The following TMEM254 variants were observed in gnomAD, a reference collection of about 807,000 sequenced individuals.
TMEM254 encodes the protein transmembrane protein C10orf57.
A neutral mutation model predicts 13.9 loss-of-function variants in TMEM254; 16 were observed. The ratio of observed to expected loss-of-function variants is 1.15; its 90% CI spans 0.78 to 1.75. TMEM254 has a LOEUF of 1.75. Ranked by LOEUF, TMEM254 falls within the 40% of genes most tolerant of loss-of-function variation. The pLI is 0.00. For missense variants in TMEM254, 155 were observed against 149.0 expected (o/e 1.04, Z -0.21); for synonymous variants, 61 against 56.4 (o/e 1.08, Z -0.36).
Position 80,091,157 on chromosome 10 carries a change from G to T in TMEM254, c.*240G>T, listed in dbSNP as rs1844562095. On this transcript the variant is annotated 3_prime_UTR_variant, in exon 4 of 4. Transcript: ENST00000372281. ...GATTTTAGCTTTTCAATCCTATTTG[G>T]CAGAGGACTTCAGCTACCTTCTTAC... 5.1e-6 allele frequency: 2 copies of T among 394,732 alleles called. No individual in the cohort carries two copies. Among genetic ancestry groups the T allele is most frequent in the South Asian group, 4.0e-5 (1 of 24,978 alleles). 24.5% of individuals were successfully genotyped at this position (394,732 alleles called of 1,614,324 possible).
chr10:80,081,794 G>A (rs757542955), intron 1 of TMEM254, 47 bp from the exon 2 acceptor site: 5 of 1,611,746 alleles, frequency 3.1e-6, no homozygotes, highest in Non-Finnish European at 4.2e-6. Flanking sequence ...CAAAAAACAG[G>A]TTTTAAGTGA....
At position 80,090,895 on chromosome 10, in the gene TMEM254, G is replaced by T. The variant is rs150892131; in HGVS notation, c.350G>T (p.Arg117Leu). Reference sequence around the variant, plus strand: ...CTCACCATCTTGATTGCTTACAAACGGAAGCGCCAAAAACAAACTTGAAGT... The same window carrying T: ...CTCACCATCTTGATTGCTTACAAACTGAAGCGCCAAAAACAAACTTGAAGT... ...ASLTILIAYK[R>L]KRQKQT Residue 117 changes from arginine to leucine, a missense_variant, in exon 4 of 4, where the codon CGG (arginine) becomes CTG (leucine). By Grantham distance (102) the Arg-to-Leu change is moderately radical (BLOSUM62 -2). Coordinates refer to ENST00000372281, the MANE Select transcript of TMEM254 (RefSeq NM_025125.4). The T allele has an allele frequency of 5.6e-4, 905 of 1,613,734 alleles. 1 individual carries two copies. Among genetic ancestry groups the T allele is most frequent in the Middle Eastern group, 1.5e-3 (9 of 6,058 alleles).
chr10:80,079,112 G>A (rs1843809695), intron 1 of TMEM254: 7 of 1,367,620 alleles, frequency 5.1e-6, no homozygotes, highest in Admixed American at 2.2e-5. Context: ...CCAGCAATGC[G>A]GCTACCGCCT....
In TMEM254 at chr10:80,085,511, G is replaced by A. The variant is rs527663097; in HGVS notation, c.251+3307G>A. ...GGACCTGGGAGGCGGAGGTTGCGGT[G>A]AGCTGAGATCGTACCACTACACTTT... On this transcript the variant is annotated intron_variant, in intron 3 of 3. Transcript: ENST00000372281. Among the ~76,000 whole-genome samples, 167 of 151,834 alleles carry A rather than the reference G, an allele frequency of 1.1e-3. 1 individual carries two copies. The highest frequency in any genetic ancestry group is 3.9e-3 in the African/African-American group (161 of 41,418).
intron 3 of TMEM254, among the ~76,000 whole-genome samples, chr10:80,089,098 A>G (rs1844454592): frequency 6.6e-6 from 1 of 152,112 alleles, no homozygotes; most frequent in Non-Finnish European, 1.5e-5. Context: ...ATTAATTGTA[A>G]CAGTTTATAG....
At chr10:80,090,736 T>C in intron 3 of TMEM254, 61 bp from the exon 4 acceptor site, 11 of 1,530,202 alleles carry the variant, frequency 7.2e-6, no homozygotes, top group Non-Finnish European at 9.7e-6. Context: ...TAGAAGACAA[T>C]AACTCCCATG....
At chr10:80,087,962 A>G (rs1844394943) in intron 3 of TMEM254, among the ~76,000 whole-genome samples, 1 of 152,126 alleles carries the variant, frequency 6.6e-6, no homozygotes, top group Non-Finnish European at 1.5e-5. Context: ...TAATTTATTG[A>G]TATTAAAGTT....
intron 3 of TMEM254, among the ~76,000 whole-genome samples, chr10:80,084,674 T>C (rs1844222425): frequency 6.6e-6 from 1 of 152,162 alleles, no homozygotes; most frequent in Non-Finnish European, 1.5e-5. Flanking sequence ...CTCTTTCCAA[T>C]GGCCTCTGCA....
chr10:80,081,960 C>G lies in TMEM254; in HGVS notation c.191+16C>G. Reference sequence around the variant, plus strand: ...TGTGCAATGGGTAAGGAGAGCTGCACAAGTGGACTGTGGACACTGGAGCTC... The same window carrying G: ...TGTGCAATGGGTAAGGAGAGCTGCAGAAGTGGACTGTGGACACTGGAGCTC... On this transcript the variant is annotated intron_variant, in intron 2 of 3. Coordinates refer to ENST00000372281, the MANE Select transcript of TMEM254 (RefSeq NM_025125.4). 6.2e-7 allele frequency: 1 copy of G among 1,609,868 alleles called. No homozygotes were observed. Among genetic ancestry groups the G allele is most frequent in the Non-Finnish European group, 8.5e-7 (1 of 1,176,448 alleles).
At chr10:80,090,323 C>T (rs548155252) in intron 3 of TMEM254, 1 of 716,158 alleles carries the variant, frequency 1.4e-6, no homozygotes, top group Non-Finnish European at 2.6e-6. Flanking sequence ...TGTGTATTAT[C>T]CCATAAATCA....
chr10:80,082,747 A>G (rs974131176), intron 3 of TMEM254, among the ~76,000 whole-genome samples: 7 of 152,204 alleles, frequency 4.6e-5, no homozygotes, highest in African/African-American at 1.2e-4. Context: ...CACTCAGGAG[A>G]TGCTAGTATA....
At position 80,084,141 on chromosome 10, in the gene TMEM254, G is replaced by T. The variant is rs180780209; in HGVS notation, c.251+1937G>T. The stretch of plus-strand genomic sequence containing the variant: ...ACAGCTGCTGCCTTGTGATCAGGCA[G>T]CTAGGTACTGTGTATATTGCATATC... On this transcript the variant is annotated intron_variant, in intron 3 of 3. Coordinates refer to ENST00000372281, the MANE Select transcript of TMEM254 (RefSeq NM_025125.4). Among the ~76,000 whole-genome samples the T allele has an allele frequency of 5.9e-5, 9 of 152,228 alleles. No individual in the cohort carries two copies. In the East Asian group the frequency reaches 1.7e-3, roughly 29 times the overall value.
chr10:80,079,815 C>T (rs769208439), intron 1 of TMEM254: 9 of 505,858 alleles, frequency 1.8e-5, no homozygotes, highest in Non-Finnish European at 2.3e-5. Context: ...CAGGTTCAAG[C>T]GATTCTCATG....
At position 80,082,765 on chromosome 10, in the gene TMEM254, G is replaced by A. The variant is rs77908027; in HGVS notation, c.251+561G>A. Among the ~76,000 whole-genome samples, 725 of 152,248 alleles carry A rather than the reference G, an allele frequency of 4.8e-3. 9 individuals carry two copies. The highest frequency in any genetic ancestry group is 0.017 in the African/African-American group (687 of 41,540). ...TCAGGAGATGCTAGTATAGGTTAAT[G>A]CTATGTGAGAATACAAGAAAAAATT... On this transcript the variant is annotated intron_variant, in intron 3 of 3. Coordinates refer to ENST00000372281, the MANE Select transcript of TMEM254 (RefSeq NM_025125.4).
chr10:80,080,954 C>T (rs965926136), intron 1 of TMEM254, among the ~76,000 whole-genome samples: 1 of 152,182 alleles, frequency 6.6e-6, no homozygotes, highest in Non-Finnish European at 1.5e-5. Context: ...GTGGCATGCA[C>T]CTGTAGTCCC....
At chr10:80,090,449 G>A in intron 3 of TMEM254, 1 of 717,260 alleles carries the variant, frequency 1.4e-6, no homozygotes, top group Non-Finnish European at 2.6e-6. Flanking sequence ...GCCACGCTAG[G>A]ATTTATATCT....
In TMEM254 at chr10:80,092,041, C is replaced by G. The variant is rs1844591681; in HGVS notation, c.*1124C>G. 6.6e-6 allele frequency: 1 copy of G among 152,164 alleles called. No individual in the cohort carries two copies. The highest frequency in any genetic ancestry group is 2.4e-5 in the African/African-American group (1 of 41,436). The allele number at this position is 152,164 out of a possible 1,614,324, so 9.4% of individuals were successfully genotyped here. A position where few individuals can be genotyped will look rare whatever the true frequency, so the allele number is the denominator to read the frequency against. On this transcript the variant is annotated 3_prime_UTR_variant, in exon 4 of 4. Transcript: ENST00000372281. ...GGTTATCTGGCTAGTTATTACCTCTCCTGTTCACTTAGTTATACTTTATTA... is the reference window on the plus strand; with the variant it reads ...GGTTATCTGGCTAGTTATTACCTCTGCTGTTCACTTAGTTATACTTTATTA...
At chr10:80,090,320 T>C (rs1844518727) in intron 3 of TMEM254, 3 of 716,216 alleles carry the variant, frequency 4.2e-6, no homozygotes, top group Non-Finnish European at 7.8e-6. Flanking sequence ...TTGTGTGTAT[T>C]ATCCCATAAA....
At chr10:80,083,385 C>T (rs1844148872) in intron 3 of TMEM254, among the ~76,000 whole-genome samples, 1 of 152,140 alleles carries the variant, frequency 6.6e-6, no homozygotes, top group African/African-American at 2.4e-5. Flanking sequence ...GGATTATAGG[C>T]ATGAGCCACT....
Sources: allele counts gnomAD v4.1 joint callset (sites outside exome capture counted in the v4.1 genomes callset), GRCh38; gene constraint gnomAD v4.1.1; transcripts MANE v1.5; gene names NCBI Gene and HGNC (gene_info 2026-07-23, HGNC 2026-07-21).